RIN3: variants seen among roughly 807,000 people sequenced by gnomAD.
The protein encoded by RIN3 is RAB5 interacting protein 3.
In RIN3, 54 loss-of-function variants were observed where a neutral mutation model predicts 76.3. The observed-to-expected ratio is 0.71, with a 90% confidence interval of 0.57 to 0.89. The LOEUF is 0.89. RIN3 is among the 40% of genes least tolerant of loss of function. RIN3 has a pLI of 0.00. For missense variants in RIN3, 1,256 were observed against 1,322.1 expected, an observed-to-expected ratio of 0.95 and a Z score of 0.78; for synonymous variants, 576 against 564.0, an observed-to-expected ratio of 1.02 and a Z score of -0.30.
At chr14:92,577,517 G>T (rs769500250) in intron 3 of RIN3, 40 bp downstream of exon 3, 18 of 1,119,162 alleles carry the variant, frequency 1.6e-5, no homozygotes, top group Non-Finnish European at 2.1e-5. Context: ...TGACCACGCG[G>T]CAGCAGCAGC....
chr14:92,585,549 A>G (rs1884740202), intron 3 of RIN3, among the ~76,000 whole-genome samples: 1 of 152,158 alleles, frequency 6.6e-6, no homozygotes, highest in Non-Finnish European at 1.5e-5. Flanking sequence ...CAACTACTTA[A>G]CCTAAAAGCA....
At chr14:92,548,441 C>A (rs560330172) in intron 1 of RIN3, among the ~76,000 whole-genome samples, 1 of 152,300 alleles carries the variant, frequency 6.6e-6, no homozygotes, top group Admixed American at 6.5e-5. Context: ...GCTGCAGTAG[C>A]AGGTTACCAC....
At chr14:92,585,864 TA>T (rs1884755546) in intron 3 of RIN3, among the ~76,000 whole-genome samples, 1 of 152,152 alleles carries the variant, frequency 6.6e-6, no homozygotes, top group Non-Finnish European at 1.5e-5. Flanking sequence ...TGATTATTAT[TA>T]AAAGAGGGAT....
chr14:92,601,987 A>T (rs143943876), intron 3 of RIN3, among the ~76,000 whole-genome samples: 1 of 152,254 alleles, frequency 6.6e-6, no homozygotes, highest in African/African-American at 2.4e-5. Flanking sequence ...CAATACGAAG[A>T]GCAGCTTCCA....
At position 92,659,256 on chromosome 14, in the gene RIN3, T is replaced by C; in HGVS notation, c.2122T>C (p.Ser708Pro). ...CLHQIHSKDG[S>P]LQQLKENQLV... ...GCATCAGATCCACAGCAAGGATGGT[T>C]CGCTGCAGCAGCTCAAGGAGAACCA... Residue 708 changes from serine to proline, a missense_variant, in exon 7 of 10, where the codon TCG becomes CCG. This residue lies in a region of RIN3 where 428 missense variants were observed against 521.2 expected (regional missense o/e 0.82). Transcript: ENST00000216487. The C allele has an allele frequency of 6.2e-7, 1 of 1,614,186 alleles. No homozygotes were observed. Among genetic ancestry groups the C allele is most frequent in the Non-Finnish European group, 8.5e-7 (1 of 1,180,002 alleles).
Position 92,644,339 on chromosome 14 carries a change from C to CG in RIN3, c.532+3013dup, listed in dbSNP as rs1447800913. ...TTTAGTCATCCCTAGGACTAACTGC[C>CG]GGGAGACTCCCTACAGATTCCTCTC... On this transcript the variant is annotated intron_variant, in intron 5 of 9. Transcript: ENST00000216487. 3.9e-5 allele frequency: 6 copies of CG among 152,126 alleles called. No individual in the cohort carries two copies. The East Asian group carries it at 1.2e-3, about 29-fold the overall frequency. The allele number at this position is 152,126 out of a possible 1,614,324, so 9.4% of individuals were successfully genotyped here.
In RIN3 at chr14:92,662,217, G is replaced by T. The variant is rs116387325; in HGVS notation, c.2335+2748G>T. ...TCTCAAGCCTTCTCAGAGAGAGGCA[G>T]TCCTGGCTGTCTCTGCAGCAGCAGG... On this transcript the variant is annotated intron_variant, in intron 7 of 9. Coordinates refer to ENST00000216487, the MANE Select transcript of RIN3 (RefSeq NM_024832.5). Among the ~76,000 whole-genome samples the T allele has an allele frequency of 4.6e-3, 704 of 152,384 alleles. 7 individuals carry two copies. Among genetic ancestry groups the T allele is most frequent in the African/African-American group, 0.016 (659 of 41,590 alleles).
At chr14:92,574,209 G>C (rs940167080) in intron 2 of RIN3, among the ~76,000 whole-genome samples, 3 of 152,202 alleles carry the variant, frequency 2.0e-5, no homozygotes, top group Admixed American at 6.5e-5. Flanking sequence ...ACAGGTCTTC[G>C]GTCCATGGTG....
At chr14:92,588,726 T>TTGTGTCTGCC (rs1884871942) in intron 3 of RIN3, among the ~76,000 whole-genome samples, 1 of 152,146 alleles carries the variant, frequency 6.6e-6, no homozygotes, top group South Asian at 2.1e-4. Flanking sequence ...ATCTGGGCAA[T>TTGTGTCTGCC]CACCTTTCTT....
Position 92,519,756 on chromosome 14 carries a change from G to A in RIN3, c.44+5780G>A, listed in dbSNP as rs578197990. ...TGACGCTGTGTGCCTCCCTCCCCACGCACAGTGTAGTACAGCGAAGCCAGT... is the reference window on the plus strand; with the variant it reads ...TGACGCTGTGTGCCTCCCTCCCCACACACAGTGTAGTACAGCGAAGCCAGT... On this transcript the variant is annotated intron_variant, in intron 1 of 9. Coordinates refer to ENST00000216487, the MANE Select transcript of RIN3 (RefSeq NM_024832.5). 2.0e-4 allele frequency among the ~76,000 whole-genome samples: 31 copies of A among 152,316 alleles called. No individual in the cohort carries two copies. In the South Asian group the frequency reaches 4.8e-3, roughly 23 times the overall value.
chr14:92,611,670 A>G (rs1049046451), intron 3 of RIN3, among the ~76,000 whole-genome samples: 3 of 152,176 alleles, frequency 2.0e-5, no homozygotes, highest in African/African-American at 7.2e-5. Flanking sequence ...GGTCATATTC[A>G]CGTGTGTTAG....
At chr14:92,552,776 A>G (rs1897466405) in intron 1 of RIN3, among the ~76,000 whole-genome samples, 2 of 152,052 alleles carry the variant, frequency 1.3e-5, no homozygotes, top group Non-Finnish European at 2.9e-5. Flanking sequence ...CCTCTTTGGC[A>G]GTATTACCAT....
At chr14:92,592,742 C>A (rs1474868788) in intron 3 of RIN3, among the ~76,000 whole-genome samples, 1 of 150,648 alleles carries the variant, frequency 6.6e-6, no homozygotes, top group African/African-American at 2.4e-5. Context: ...GTGGTGTGAT[C>A]TTGGCTCACT....
At chr14:92,546,498 C>G (rs549554435) in intron 1 of RIN3, among the ~76,000 whole-genome samples, 41 of 152,326 alleles carry the variant, frequency 2.7e-4, no homozygotes, top group Non-Finnish European at 5.0e-4. Context: ...TGGACTGAGT[C>G]ACAGCTTTAT....
rs68153141 is a variant in RIN3, at chr14:92,688,192, TGGC to T, written c.2913_2915del (p.Gly972del). On this transcript the variant is annotated inframe_deletion, in exon 10 of 10. Coordinates refer to ENST00000216487, the MANE Select transcript of RIN3 (RefSeq NM_024832.5). ...TTGTCTACCGGCCCCTGGACGGTGG[TGGC>T]GGCGGCGGCGGCGGGAGCCCGCCCT... is the stretch of plus-strand genomic sequence containing the variant. The T allele has an allele frequency of 0.65, 1,035,302 of 1,599,748 alleles. 335,878 individuals carry two copies. The highest frequency in any genetic ancestry group is 0.79 in the East Asian group (35,114 of 44,456).
At chr14:92,630,469 G>A (rs1886535695) in intron 4 of RIN3, among the ~76,000 whole-genome samples, 1 of 152,214 alleles carries the variant, frequency 6.6e-6, no homozygotes, top group South Asian at 2.1e-4. Context: ...TCCAGCCTGA[G>A]CAACAAAGCA....
At chr14:92,562,639 T>C (rs149576304) in intron 2 of RIN3, among the ~76,000 whole-genome samples, 3 of 152,318 alleles carry the variant, frequency 2.0e-5, no homozygotes, top group Non-Finnish European at 4.4e-5. Flanking sequence ...AGTTGGCTCC[T>C]GTATGCCTTT....
chr14:92,635,509 T>G (rs1007543529), intron 4 of RIN3, among the ~76,000 whole-genome samples: 13 of 152,154 alleles, frequency 8.5e-5, no homozygotes, highest in African/African-American at 1.4e-4. Flanking sequence ...TCCAAATATA[T>G]CTACCTTGTG....
chr14:92,580,721 A>G (rs192528204), intron 3 of RIN3, among the ~76,000 whole-genome samples: 1 of 152,284 alleles, frequency 6.6e-6, no homozygotes, highest in East Asian at 1.9e-4. Context: ...CCTAGGACTG[A>G]CTCCAAGCCA....
Sources: gnomAD v4.1 joint callset for allele counts (sites outside exome capture counted in the v4.1 genomes callset) on GRCh38, gnomAD v4.1.1 for gene constraint, gnomAD v4.1.1 regional missense constraint, MANE v1.5 for transcripts, NCBI Gene and HGNC (gene_info 2026-07-23, HGNC 2026-07-21) for gene names.